Variants in CCDC102B observed in about 807,000 individuals in gnomAD.
CCDC102B encodes coiled-coil domain containing 102B.
In CCDC102B, 75 loss-of-function variants were observed where a neutral mutation model predicts 57.4. The observed-to-expected ratio is 1.31, with a 90% CI of 1.08 to 1.58. CCDC102B has a LOEUF of 1.58. Among genes scored for constraint, CCDC102B ranks in the 40% most tolerant of loss-of-function variants. The pLI is 0.00. For synonymous variants in CCDC102B, 206 were observed against 201.9 expected, an observed-to-expected ratio of 1.02 and a Z score of -0.17; for missense variants, 636 against 582.6, an observed-to-expected ratio of 1.09 and a Z score of -0.94.
At chr18:68,842,755 G>A (rs1440369949) in intron 3 of CCDC102B, among the ~76,000 whole-genome samples, 1 of 152,188 alleles carries the variant, frequency 6.6e-6, no homozygotes, top group Non-Finnish European at 1.5e-5. Context: ...GGCCGAAATA[G>A]TGTGCTTACA....
chr18:68,993,128 A>G (rs544643320), intron 6 of CCDC102B: 85 of 156,098 alleles, frequency 5.4e-4, no homozygotes, highest in Non-Finnish European at 1.5e-4. Flanking sequence ...TGCCCATGTT[A>G]TAAGCCATGC....
chr18:68,733,507 T>TATATATATATATATATATATA lies in CCDC102B; in HGVS notation c.-67+16913_-67+16914insATATATATATATATATATATA, dbSNP rs1491296876. ...ATATATATATATATATATATATATATTTTTTTAACTTAAGCATGCTTTAAG... is the reference window on the plus strand; with the variant it reads ...ATATATATATATATATATATATATATATATATATATATATATATATATTTTTTAACTTAAGCATGCTTTAAG... On this transcript the variant is annotated intron_variant, in intron 2 of 3. Transcript: ENST00000578970. 1.0e-3 allele frequency among the ~76,000 whole-genome samples: 78 copies of TATATATATATATATATATATA among 76,082 alleles called. 4 individuals are homozygous for TATATATATATATATATATATA. Among genetic ancestry groups the TATATATATATATATATATATA allele is most frequent in the East Asian group, 2.1e-3 (3 of 1,400 alleles). 49.9% of individuals were successfully genotyped at this position (76,082 alleles called of 152,430 possible). A position where few individuals can be genotyped will look rare whatever the true frequency, so the allele number is the denominator to read the frequency against.
At chr18:68,911,483 T>C (rs1019911382) in intron 6 of CCDC102B, among the ~76,000 whole-genome samples, 1 of 150,668 alleles carries the variant, frequency 6.6e-6, no homozygotes, top group Non-Finnish European at 1.5e-5. Context: ...CCGGGCGCGG[T>C]GGCTCACGCC....
intron 6 of CCDC102B, among the ~76,000 whole-genome samples, chr18:68,919,320 A>G (rs1194648954): frequency 6.6e-6 from 1 of 152,134 alleles, no homozygotes; most frequent in African/African-American, 2.4e-5. Flanking sequence ...ATTTTGTTAT[A>G]TTGACCACAT....
chr18:68,924,708 A>T (rs2041417046), intron 6 of CCDC102B, among the ~76,000 whole-genome samples: 1 of 152,026 alleles, frequency 6.6e-6, no homozygotes, highest in Non-Finnish European at 1.5e-5. Flanking sequence ...AGGCCTGAAC[A>T]ATTGTTCCCT....
intron 1 of CCDC102B, among the ~76,000 whole-genome samples, chr18:68,799,293 A>G (rs974531795): frequency 6.6e-6 from 1 of 152,132 alleles, no homozygotes; most frequent in Non-Finnish European, 1.5e-5. Flanking sequence ...AAAATGCTTT[A>G]TGTGAATTGC....
intron 2 of CCDC102B, among the ~76,000 whole-genome samples, chr18:68,725,240 C>T (rs757591423): frequency 4.6e-5 from 7 of 152,190 alleles, no homozygotes; most frequent in Non-Finnish European, 8.8e-5. Flanking sequence ...ATAACCATAT[C>T]AGGTAGATTC....
At chr18:68,942,762 T>C (rs994702003) in intron 6 of CCDC102B, among the ~76,000 whole-genome samples, 1 of 151,834 alleles carries the variant, frequency 6.6e-6, no homozygotes, top group African/African-American at 2.4e-5. Flanking sequence ...CTTCCTCTTA[T>C]CTCAACTGCA....
At chr18:68,779,956 T>G (rs1195850071) in intron 2 of CCDC102B, among the ~76,000 whole-genome samples, 1 of 152,078 alleles carries the variant, frequency 6.6e-6, no homozygotes, top group African/African-American at 2.4e-5. Flanking sequence ...TTAGAACACT[T>G]TTATCAACCA....
intron 2 of CCDC102B, among the ~76,000 whole-genome samples, chr18:68,783,068 G>A (rs898574540): frequency 2.0e-5 from 3 of 152,068 alleles, no homozygotes; most frequent in East Asian, 1.9e-4. Flanking sequence ...TACTGGCCTC[G>A]TTTTGCAGGT....
chr18:68,891,421 A>G (rs1034181682), intron 5 of CCDC102B, among the ~76,000 whole-genome samples: 17 of 152,090 alleles, frequency 1.1e-4, no homozygotes, highest in East Asian at 7.7e-4. Context: ...TTGCTTTTCC[A>G]TGTGGTGATT....
chr18:69,005,353 A>G (rs779132418), intron 6 of CCDC102B, among the ~76,000 whole-genome samples: 5 of 152,154 alleles, frequency 3.3e-5, no homozygotes, highest in African/African-American at 4.8e-5. Context: ...GGTAAATCGT[A>G]TGTTACATAT....
intron 7 of CCDC102B, among the ~76,000 whole-genome samples, chr18:69,022,241 CGT>C (rs2051863211): frequency 7.2e-6 from 1 of 139,274 alleles, no homozygotes; most frequent in African/African-American, 3.2e-5. Flanking sequence ...CACACGCGTG[CGT>C]GTGCACACAC....
intron 7 of CCDC102B, among the ~76,000 whole-genome samples, chr18:69,045,370 T>C (rs1025885150): frequency 3.9e-5 from 6 of 152,118 alleles, no homozygotes; most frequent in Non-Finnish European, 5.9e-5. Context: ...AATCATTTCC[T>C]TCTGTGATAA....
At chr18:68,889,338 A>T (rs1473256916) in intron 5 of CCDC102B, among the ~76,000 whole-genome samples, 1 of 151,996 alleles carries the variant, frequency 6.6e-6, no homozygotes, top group East Asian at 1.9e-4. Flanking sequence ...CAGAAATTAG[A>T]CCTCTACTTG....
chr18:68,994,825 A>G (rs949128061), intron 6 of CCDC102B, among the ~76,000 whole-genome samples: 1 of 152,208 alleles, frequency 6.6e-6, no homozygotes, highest in African/African-American at 2.4e-5. Context: ...AAACAGACTG[A>G]TAGAGTAAAT....
chr18:68,967,174 C>A (rs1428454327), intron 6 of CCDC102B, among the ~76,000 whole-genome samples: 3 of 174 alleles, frequency 0.017, no homozygotes, highest in Non-Finnish European at 0.041. Flanking sequence ...GTAGAACACC[C>A]CTCTTCCCCT....
chr18:68,776,159 G>A (rs969770297), intron 2 of CCDC102B, among the ~76,000 whole-genome samples: 15 of 151,716 alleles, frequency 9.9e-5, no homozygotes, highest in Non-Finnish European at 2.2e-4. Flanking sequence ...GTGTATTCTG[G>A]GTTTTTCTTT....
intron 7 of CCDC102B, among the ~76,000 whole-genome samples, chr18:69,052,243 A>T (rs2052725313): frequency 6.6e-6 from 1 of 152,026 alleles, no homozygotes; most frequent in Non-Finnish European, 1.5e-5. Context: ...ATATAAAGAG[A>T]CATTATACAT....
Sources: gnomAD v4.1 joint callset for allele counts (sites outside exome capture counted in the v4.1 genomes callset) on GRCh38, gnomAD v4.1.1 for gene constraint, MANE v1.5 for transcripts, NCBI Gene and HGNC (gene_info 2026-07-23, HGNC 2026-07-21) for gene names.